The following IMPA1 variants were observed in gnomAD, a reference collection of about 807,000 sequenced individuals.
The protein encoded by IMPA1 is inositol monophosphatase 1.
IMPA1 carries 21 observed loss-of-function variants against 34.9 expected under a neutral mutation model. The ratio of observed to expected loss-of-function variants is 0.60; its 90% CI spans 0.43 to 0.87. IMPA1 has a LOEUF of 0.87. Ranked by LOEUF, IMPA1 falls within the 40% of genes least tolerant of loss-of-function variation. The pLI is 0.00. For missense variants in IMPA1, 299 were observed against 336.4 expected (o/e 0.89, Z 0.87); for synonymous variants, 95 against 104.4 (o/e 0.91, Z 0.55).
chr8:81,659,467 C>T lies in IMPA1; in HGVS notation c.719-1G>A. 6.5e-7 allele frequency: 1 copy of T among 1,534,240 alleles called. No individual in the cohort carries two copies. Among genetic ancestry groups the T allele is most frequent in the Non-Finnish European group, 9.0e-7 (1 of 1,111,026 alleles). ...CGTGACATCAAATCAAATGGTCCAC[C>T]TAAAAGCAAACAAGTATGAAAAATA... On this transcript the variant is annotated splice_acceptor_variant, in intron 8 of 8. Transcript: ENST00000256108. LOFTEE classifies it high-confidence loss of function.
chr8:81,674,056 G>A, intron 5 of IMPA1, 107 bp from the exon 6 acceptor site: 1 of 671,274 alleles, frequency 1.5e-6, no homozygotes, highest in Non-Finnish European at 2.7e-6. Context: ...ACAATGGACT[G>A]AAATGGCTAA....
intron 7 of IMPA1, among the ~76,000 whole-genome samples, chr8:81,664,139 G>C (rs74421294): frequency 0.023 from 3,472 of 152,208 alleles, 46 homozygotes; most frequent in Non-Finnish European, 0.034. Flanking sequence ...AAGGATAAAA[G>C]TAAGGATAAA....
intron 1 of IMPA1, among the ~76,000 whole-genome samples, chr8:81,681,803 T>C (rs576833124): frequency 1.3e-5 from 2 of 152,358 alleles, no homozygotes; most frequent in Admixed American, 1.3e-4. Flanking sequence ...ATGAAATTGC[T>C]TCCCAGTGTG....
At chr8:81,668,365 G>A (rs1349012932) in intron 7 of IMPA1, among the ~76,000 whole-genome samples, 2 of 152,108 alleles carry the variant, frequency 1.3e-5, no homozygotes, top group Non-Finnish European at 2.9e-5. Context: ...TGGGCAGATC[G>A]CTTGAGCCCA....
At chr8:81,660,483 T>A in intron 8 of IMPA1, 33 bp downstream of exon 8, 4 of 1,598,456 alleles carry the variant, frequency 2.5e-6, no homozygotes, top group Non-Finnish European at 2.6e-6. Flanking sequence ...CCAACAGATG[T>A]GTGGAGATCT....
chr8:81,666,484 T>C (rs1206538645), intron 7 of IMPA1, among the ~76,000 whole-genome samples: 1 of 152,216 alleles, frequency 6.6e-6, no homozygotes, highest in African/African-American at 2.4e-5. Flanking sequence ...TGAAATTCCA[T>C]GCAATGCTGT....
At chr8:81,664,597 G>T (rs1470444381) in intron 7 of IMPA1, among the ~76,000 whole-genome samples, 2 of 152,110 alleles carry the variant, frequency 1.3e-5, no homozygotes, top group Non-Finnish European at 1.5e-5. Context: ...GAGGTAAGGG[G>T]CTAGAAAACA....
intron 4 of IMPA1, among the ~76,000 whole-genome samples, chr8:81,677,355 A>T (rs1283392883): frequency 6.6e-6 from 1 of 152,206 alleles, no homozygotes; most frequent in East Asian, 1.9e-4. Flanking sequence ...TTGGCCTCCC[A>T]AAGTGCTGGG....
At chr8:81,666,471 A>G (rs80128705) in intron 7 of IMPA1, among the ~76,000 whole-genome samples, 13,375 of 152,322 alleles carry the variant, frequency 0.088, 805 homozygotes, top group Middle Eastern at 0.13. Flanking sequence ...TTGACTTATA[A>G]AGTGAAATTC....
At chr8:81,659,655 T>C (rs893354250) in intron 8 of IMPA1, among the ~76,000 whole-genome samples, 189 bp from the exon 9 acceptor site, 6 of 152,230 alleles carry the variant, frequency 3.9e-5, no homozygotes, top group African/African-American at 1.4e-4. Context: ...AGCATAATTT[T>C]TGAGTAAATA....
chr8:81,673,835 T>A lies in IMPA1; in HGVS notation c.457+6A>T. 1 of 1,525,802 alleles carries A rather than the reference T, an allele frequency of 6.6e-7. No individual in the cohort carries two copies. Among genetic ancestry groups the A allele is most frequent in the Non-Finnish European group, 9.1e-7 (1 of 1,100,244 alleles). The allele number at this position is 1,525,802 out of a possible 1,614,324, so 94.5% of individuals were successfully genotyped here. On this transcript the variant is annotated splice_donor_region_variant and intron_variant, in intron 6 of 8. Coordinates refer to ENST00000256108, the MANE Select transcript of IMPA1 (RefSeq NM_005536.4). ...GAATAGCATCAAAAATTGGAATTAA[T>A]CCTACCTTCTTGTTGTGAAACTTGT... is the stretch of plus-strand genomic sequence containing the variant.
intron 4 of IMPA1, among the ~76,000 whole-genome samples, chr8:81,677,827 T>C (rs969490579): frequency 2.0e-5 from 3 of 152,244 alleles, no homozygotes; most frequent in African/African-American, 7.2e-5. Context: ...TCAAGGATTG[T>C]ATATATAGTA....
chr8:81,682,923 T>C (rs953078747), intron 1 of IMPA1, among the ~76,000 whole-genome samples: 4 of 152,170 alleles, frequency 2.6e-5, no homozygotes, highest in African/African-American at 7.2e-5. Flanking sequence ...TGTTCACACT[T>C]TCTAGGAGGG....
In IMPA1 at chr8:81,679,242, G is replaced by A. The variant is rs1807220651; in HGVS notation, c.198-12C>T. On this transcript the variant is annotated splice_polypyrimidine_tract_variant and intron_variant, in intron 3 of 8. Transcript: ENST00000256108. ...CTTCACCAATGAAACTAAAAGCCAA[G>A]TAGGACAAACTCTTAATCTTTACAC... The A allele has an allele frequency of 6.5e-7, 1 of 1,543,454 alleles. No homozygotes were observed. Among genetic ancestry groups the A allele is most frequent in the African/African-American group, 1.4e-5 (1 of 73,562 alleles).
intron 1 of IMPA1, 88 bp from the exon 2 acceptor site, chr8:81,681,672 T>C (rs1481831289): frequency 2.7e-6 from 2 of 754,460 alleles, no homozygotes; most frequent in Non-Finnish European, 4.6e-6. Context: ...CAGACTGTCA[T>C]TTCAGGATTC....
intron 5 of IMPA1, 119 bp from the exon 6 acceptor site, chr8:81,674,068 C>A: frequency 1.6e-6 from 1 of 618,202 alleles, no homozygotes; most frequent in Non-Finnish European, 2.9e-6. Flanking sequence ...AATGGCTAAA[C>A]TGTGGGATAC....
rs1361562055 is a variant in IMPA1 at position 81,656,952 on chromosome 8, ATATATTTATG to A, written c.*2389_*2398del. Among the ~76,000 whole-genome samples, 3 of 152,230 alleles carry A rather than the reference ATATATTTATG, an allele frequency of 2.0e-5. No homozygotes were observed. Among genetic ancestry groups the A allele is most frequent in the African/African-American group, 7.2e-5 (3 of 41,474 alleles). ...ACATATATTTTATGTGTTCAAGTAC[ATATATTTATG>A]TATATTTATGTATGTATCTGTGTAT... On this transcript the variant is annotated 3_prime_UTR_variant, in exon 9 of 9. Coordinates refer to ENST00000256108, the MANE Select transcript of IMPA1 (RefSeq NM_005536.4).
chr8:81,673,790 A>G lies in IMPA1; in HGVS notation c.457+51T>C, dbSNP rs536222560. 2.9e-6 allele frequency: 3 copies of G among 1,019,322 alleles called. No homozygotes were observed. The African/African-American group carries it at 4.8e-5, about 16-fold the overall frequency. 63.1% of individuals were successfully genotyped at this position (1,019,322 alleles called of 1,614,324 possible). A position where few individuals can be genotyped will look rare whatever the true frequency, so the allele number is the denominator to read the frequency against. On this transcript the variant is annotated intron_variant, in intron 6 of 8. Coordinates refer to ENST00000256108, the MANE Select transcript of IMPA1 (RefSeq NM_005536.4). ...CATAGGTGAATATTAAAAAACAATAAAATATTGAGCACACAATATGAATAG... is the reference window on the plus strand; with the variant it reads ...CATAGGTGAATATTAAAAAACAATAGAATATTGAGCACACAATATGAATAG...
intron 7 of IMPA1, among the ~76,000 whole-genome samples, chr8:81,663,264 TAGC>T (rs1259005894): frequency 9.2e-5 from 14 of 152,380 alleles, no homozygotes; most frequent in Admixed American, 9.2e-4. Context: ...CAGCACACTG[TAGC>T]AGCAAGTTTA....
Sources: allele counts gnomAD v4.1 joint callset (sites outside exome capture counted in the v4.1 genomes callset), GRCh38; gene constraint gnomAD v4.1.1; transcripts MANE v1.5; gene names NCBI Gene and HGNC (gene_info 2026-07-23, HGNC 2026-07-21).